The following PTPN13 variants were observed in gnomAD, a reference collection of about 807,000 sequenced individuals.
The protein encoded by PTPN13 is protein tyrosine phosphatase non-receptor type 13.
PTPN13 carries 191 observed loss-of-function variants against 284.0 expected under a neutral mutation model. The ratio of observed to expected loss-of-function variants is 0.67; its 90% CI spans 0.60 to 0.76. The LOEUF (loss-of-function observed/expected upper bound fraction) is 0.76, where lower values mean the gene tolerates loss of function less well. Among genes scored for constraint, PTPN13 ranks in the 30% least tolerant of loss-of-function variants. The pLI, the probability that PTPN13 is intolerant of heterozygous loss-of-function variation, is 0.00. For missense variants in PTPN13, 2,797 were observed against 2,939.9 expected, an observed-to-expected ratio of 0.95 and a Z score of 1.12; for synonymous variants, 986 against 1,022.3, an observed-to-expected ratio of 0.96 and a Z score of 0.68.
chr4:86,766,243 TA>T (rs1739299005), intron 26 of PTPN13, among the ~76,000 whole-genome samples, 188 bp from the exon 27 acceptor site: 1 of 152,236 alleles, frequency 6.6e-6, no homozygotes, highest in Non-Finnish European at 1.5e-5. Context: ...GATACTGTTC[TA>T]AAATATACTT....
chr4:86,800,558 A>G (rs1021189183), intron 42 of PTPN13, among the ~76,000 whole-genome samples: 17 of 152,084 alleles, frequency 1.1e-4, no homozygotes, highest in Non-Finnish European at 2.2e-4. Context: ...AGGCTGAGAC[A>G]GGAGAATCGC....
At chr4:86,653,460 C>T (rs992337023) in intron 2 of PTPN13, among the ~76,000 whole-genome samples, 1 of 150,732 alleles carries the variant, frequency 6.6e-6, no homozygotes, top group Non-Finnish European at 1.5e-5. Context: ...CATTTCAGCA[C>T]TAGGGGGCGC....
chr4:86,807,909 A>G lies in PTPN13; in HGVS notation c.7083+12A>G. 6.3e-7 allele frequency: 1 copy of G among 1,593,902 alleles called. No homozygotes were observed. The highest frequency in any genetic ancestry group is 8.6e-7 in the Non-Finnish European group (1 of 1,167,284). On this transcript the variant is annotated intron_variant, in intron 45 of 47. Transcript: ENST00000411767. ...TTGAAGATATTCAGGTAAGTGAATG[A>G]AATCTTTCCCTGTTGGAAGGTGTAT...
At chr4:86,766,108 G>A (rs555390438) in intron 26 of PTPN13, among the ~76,000 whole-genome samples, 5 of 146,178 alleles carry the variant, frequency 3.4e-5, no homozygotes, top group Admixed American at 6.8e-5. Context: ...GATTACAGGC[G>A]TGAGCCTCTG....
intron 1 of PTPN13, among the ~76,000 whole-genome samples, chr4:86,619,309 T>C (rs554469185): frequency 6.6e-6 from 1 of 152,350 alleles, no homozygotes; most frequent in Non-Finnish European, 1.5e-5. Context: ...TGAAACATTA[T>C]ACATCTATGT....
intron 33 of PTPN13, 108 bp downstream of exon 33, chr4:86,774,639 C>T (rs1740395815): frequency 2.0e-6 from 2 of 1,009,676 alleles, no homozygotes; most frequent in African/African-American, 1.7e-5. Context: ...TCGGTTTATG[C>T]TTTCTGTTTC....
rs772672515 is a variant in PTPN13 at position 86,751,107 on chromosome 4, G to A, written c.3149G>A (p.Gly1050Glu). Residue 1050 changes from glycine to glutamate, a missense_variant, in exon 19 of 48, where the codon GGG becomes GAG. Gly to Glu is a moderately conservative substitution (Grantham distance 98, BLOSUM62 -2). Coordinates refer to ENST00000411767, the MANE Select transcript of PTPN13 (RefSeq NM_080683.3). ...ESDSSSIEDP[G>E]QAYVLGMTMH... ...GACTCCTCATCCATTGAAGACCCTG[G>A]GCAAGCATATGTTCTAGGTCAGCAA... is the stretch of plus-strand genomic sequence containing the variant. 1.9e-5 allele frequency: 30 copies of A among 1,598,156 alleles called. No individual in the cohort carries two copies. Among genetic ancestry groups the A allele is most frequent in the Non-Finnish European group, 2.6e-5 (30 of 1,166,188 alleles).
rs992048592 is a variant in PTPN13, at chr4:86,681,031, T to C, written c.295-5679T>C. ...AAAGAAAAGATGATGATTTTGATGA[T>C]GGTGATGATGATGATGATGTGCAGG... On this transcript the variant is annotated intron_variant, in intron 3 of 47. Transcript: ENST00000411767. Among the ~76,000 whole-genome samples the C allele has an allele frequency of 2.6e-5, 4 of 152,180 alleles. 1 individual carries two copies. The South Asian group carries it at 6.2e-4, about 24-fold the overall frequency.
Position 86,799,197 on chromosome 4 carries a change from T to A in PTPN13, c.6498T>A (p.Ser2166=). The A allele has an allele frequency of 6.5e-7, 1 of 1,533,784 alleles. No homozygotes were observed. Among genetic ancestry groups the A allele is most frequent in the Non-Finnish European group, 8.8e-7 (1 of 1,140,044 alleles). The stretch of plus-strand genomic sequence containing the variant: ...TAGAGAGAACAAACCATGAAGATTC[T>A]GATAAAGGCAAGAATTTTAATGACA... ...LPIERTNHED[S]DKDHSFLTND... is the part of the protein sequence containing the mutation. The change falls in exon 42 of 48, where the codon TCT becomes TCA. Residue 2166 remains serine (S), a synonymous_variant. Coordinates refer to ENST00000411767, the MANE Select transcript of PTPN13 (RefSeq NM_080683.3).
At chr4:86,688,345 T>C (rs1462778299) in intron 4 of PTPN13, among the ~76,000 whole-genome samples, 1 of 152,172 alleles carries the variant, frequency 6.6e-6, no homozygotes, top group Non-Finnish European at 1.5e-5. Context: ...TTTTTCACTA[T>C]TTTATTGGGT....
intron 1 of PTPN13, among the ~76,000 whole-genome samples, chr4:86,634,600 G>A (rs1722810321): frequency 6.6e-6 from 1 of 152,032 alleles, no homozygotes; most frequent in African/African-American, 2.4e-5. Flanking sequence ...CACCCAAAAT[G>A]ACATTTTTAT....
chr4:86,635,729 T>C (rs142727768), intron 2 of PTPN13, among the ~76,000 whole-genome samples: 2 of 152,232 alleles, frequency 1.3e-5, no homozygotes, highest in Non-Finnish European at 2.9e-5. Context: ...TTTGGGAGGC[T>C]GAGGTTGGGG....
At chr4:86,805,858 C>G (rs988280151) in intron 44 of PTPN13, among the ~76,000 whole-genome samples, 1 of 152,032 alleles carries the variant, frequency 6.6e-6, no homozygotes, top group Non-Finnish European at 1.5e-5. Context: ...CAGAAGGGAA[C>G]AAAAGCAATC....
In PTPN13 at chr4:86,597,975, C is replaced by T. The variant is rs75281950; in HGVS notation, c.-6+3186C>T. Among the ~76,000 whole-genome samples, 395 of 152,272 alleles carry T rather than the reference C, an allele frequency of 2.6e-3. 4 individuals are homozygous for T. Among genetic ancestry groups the T allele is most frequent in the African/African-American group, 9.2e-3 (384 of 41,536 alleles). On this transcript the variant is annotated intron_variant, in intron 1 of 47. Coordinates refer to ENST00000411767, the MANE Select transcript of PTPN13 (RefSeq NM_080683.3). The stretch of plus-strand genomic sequence containing the variant: ...TTTGTTTTGTTTTGATTTGTTTTCA[C>T]ACTGGAAAAGTATGAAAATTCTCTG...
At chr4:86,654,382 A>T (rs988445341) in intron 2 of PTPN13, among the ~76,000 whole-genome samples, 11 of 152,234 alleles carry the variant, frequency 7.2e-5, no homozygotes, top group African/African-American at 2.7e-4. Flanking sequence ...ACCATCAGAG[A>T]GTACTATAAA....
At chr4:86,752,094 A>G (rs1297334940) in intron 19 of PTPN13, among the ~76,000 whole-genome samples, 3 of 152,176 alleles carry the variant, frequency 2.0e-5, no homozygotes, top group African/African-American at 4.8e-5. Context: ...TTTGAAAAGA[A>G]TGGATGTTTA....
At position 86,767,832 on chromosome 4, in the gene PTPN13, T is replaced by C. The variant is rs1466862754; in HGVS notation, c.4345T>C (p.Leu1449=). The C allele has an allele frequency of 2.5e-6, 4 of 1,582,630 alleles. No individual in the cohort carries two copies. Among genetic ancestry groups the C allele is most frequent in the South Asian group, 2.3e-5 (2 of 85,756 alleles). Residue 1449 remains leucine, a synonymous_variant, in exon 28 of 48, where the codon TTA becomes CTA. Transcript: ENST00000411767. ...RNTGQVVHLL[L]EKGQSPTSKE... is the part of the protein sequence containing the mutation. ...ACTTATCCAGGTGGTTCATCTGTTA[T>C]TAGAAAAGGGACAATCTCCAACATC...
chr4:86,698,043 G>T (rs2148993880), intron 6 of PTPN13, among the ~76,000 whole-genome samples: 1 of 152,224 alleles, frequency 6.6e-6, no homozygotes. Flanking sequence ...CTTTTAGCAA[G>T]CTATGCATTC....
chr4:86,705,232 GCT>G (rs1731617753), intron 7 of PTPN13, among the ~76,000 whole-genome samples: 1 of 151,180 alleles, frequency 6.6e-6, no homozygotes, highest in Non-Finnish European at 1.5e-5. Flanking sequence ...TATTCAGGAG[GCT>G]GAGGCAGGAG....
Sources: allele counts gnomAD v4.1 joint callset (sites outside exome capture counted in the v4.1 genomes callset), GRCh38; gene constraint gnomAD v4.1.1; transcripts MANE v1.5; gene names NCBI Gene and HGNC (gene_info 2026-07-23, HGNC 2026-07-21).